The following RGS7 variants were observed in gnomAD, a reference collection of about 807,000 sequenced individuals.
RGS7 encodes the protein regulator of G-protein signaling 7.
In RGS7, 27 loss-of-function variants were observed where a neutral mutation model predicts 81.1. The ratio of observed to expected loss-of-function variants is 0.33; its 90% CI spans 0.25 to 0.46. The LOEUF (loss-of-function observed/expected upper bound fraction) is 0.46, where lower values mean the gene tolerates loss of function less well. Ranked by LOEUF, RGS7 falls within the 20% of genes least tolerant of loss-of-function variation. The pLI, the probability that RGS7 is intolerant of heterozygous loss-of-function variation, is 1.00. For missense variants in RGS7, 396 were observed against 607.4 expected (o/e 0.65, Z 3.66); for synonymous variants, 208 against 207.7 (o/e 1.00, Z -0.01).
chr1:241,120,993 A>G (rs566864740), intron 2 of RGS7, among the ~76,000 whole-genome samples: 1 of 152,302 alleles, frequency 6.6e-6, no homozygotes, highest in African/African-American at 2.4e-5. Context: ...ACCCCAGAAG[A>G]AAGCTTTGCT....
At chr1:241,339,372 A>G (rs949743167) in intron 2 of RGS7, among the ~76,000 whole-genome samples, 1 of 152,214 alleles carries the variant, frequency 6.6e-6, no homozygotes, top group South Asian at 2.1e-4. Flanking sequence ...TGTTTGCTAC[A>G]TTAAATTGAA....
intron 3 of RGS7, among the ~76,000 whole-genome samples, chr1:241,052,605 A>G (rs2061309824): frequency 6.6e-6 from 1 of 152,150 alleles, no homozygotes; most frequent in African/African-American, 2.4e-5. Context: ...CTGATGACCC[A>G]TGTCAAGGTT....
chr1:241,190,929 T>C (rs1490666450), intron 2 of RGS7, among the ~76,000 whole-genome samples: 2 of 152,134 alleles, frequency 1.3e-5, no homozygotes, highest in Non-Finnish European at 2.9e-5. Context: ...TTAGCTGTAG[T>C]TTTCTTGCAG....
At chr1:240,881,932 T>TGA (rs1553336442) in intron 6 of RGS7, among the ~76,000 whole-genome samples, 13 of 151,816 alleles carry the variant, frequency 8.6e-5, no homozygotes, top group Non-Finnish European at 1.5e-4. Flanking sequence ...TTTTTTTTTT[T>TGA]GAGAGAGAGT....
intron 3 of RGS7, among the ~76,000 whole-genome samples, chr1:241,094,523 A>C (rs2064115702): frequency 6.6e-6 from 1 of 152,168 alleles, no homozygotes; most frequent in Non-Finnish European, 1.5e-5. Context: ...AGTTCAAGGA[A>C]ATGGCATAGA....
intron 3 of RGS7, among the ~76,000 whole-genome samples, chr1:241,003,209 C>A (rs555326395): frequency 6.6e-6 from 1 of 152,094 alleles, no homozygotes; most frequent in African/African-American, 2.4e-5. Flanking sequence ...CGCCTGTAAT[C>A]CCAGCACTTT....
At chr1:241,156,334 A>G (rs193196826) in intron 2 of RGS7, among the ~76,000 whole-genome samples, 130 of 151,702 alleles carry the variant, frequency 8.6e-4, no homozygotes, top group African/African-American at 3.0e-3. Flanking sequence ...CTCTGTCTCT[A>G]TGAAACACAA....
Position 241,049,762 on chromosome 1 carries a change from A to G in RGS7, c.175+48904T>C, listed in dbSNP as rs964849613. Among the ~76,000 whole-genome samples the G allele has an allele frequency of 4.2e-4, 64 of 152,322 alleles. 1 individual carries two copies. Among genetic ancestry groups the G allele is most frequent in the African/African-American group, 1.5e-3 (63 of 41,568 alleles). On this transcript the variant is annotated intron_variant, in intron 3 of 18. Transcript: ENST00000440928. ...CTTCTACAGATATCAGGCTTTGGTC[A>G]TGTAAAAGCTGAGGAGCTGCTGAAC...
At chr1:240,797,584 T>C (rs952340724) in intron 18 of RGS7, among the ~76,000 whole-genome samples, 5 of 152,176 alleles carry the variant, frequency 3.3e-5, no homozygotes, top group Non-Finnish European at 5.9e-5. Context: ...ACTCCTGACC[T>C]CAGGTGATCC....
chr1:241,128,456 G>T (rs1162176613), intron 2 of RGS7, among the ~76,000 whole-genome samples: 1 of 151,508 alleles, frequency 6.6e-6, no homozygotes, highest in East Asian at 1.9e-4. Flanking sequence ...TGGTGGCGGT[G>T]CAAGCATGTA....
chr1:241,073,583 T>A (rs951638198), intron 3 of RGS7, among the ~76,000 whole-genome samples: 4 of 152,196 alleles, frequency 2.6e-5, no homozygotes, highest in African/African-American at 9.7e-5. Flanking sequence ...TTATTCTTTA[T>A]TGTCAGTAAT....
rs371415553 is a variant in RGS7, at chr1:241,245,833, G to A, written c.78+109866C>T. Among the ~76,000 whole-genome samples, 17 of 139,808 alleles carry A rather than the reference G, an allele frequency of 1.2e-4. No individual in the cohort carries two copies. The South Asian group carries it at 3.0e-3, about 24-fold the overall frequency. The allele number at this position is 139,808 out of a possible 152,430, so 91.7% of individuals were successfully genotyped here. On this transcript the variant is annotated intron_variant, in intron 2 of 18. Coordinates refer to ENST00000440928, the MANE Select transcript of RGS7 (RefSeq NM_001364886.1). ...AAAAACAAACAAACAGGCAGGACGC[G>A]GTGGCTCATGCCTGTAATCCCAGCA...
At chr1:241,088,590 C>A (rs746408119) in intron 3 of RGS7, among the ~76,000 whole-genome samples, 20 of 152,000 alleles carry the variant, frequency 1.3e-4, no homozygotes, top group Admixed American at 5.2e-4. Context: ...ATCTTAAGCC[C>A]CTCCAACTAA....
chr1:241,332,426 T>C (rs1156596873), intron 2 of RGS7, among the ~76,000 whole-genome samples: 1 of 152,176 alleles, frequency 6.6e-6, no homozygotes, highest in Non-Finnish European at 1.5e-5. Context: ...AAAATAGATT[T>C]TATATTAATG....
At chr1:241,288,357 T>G (rs1446389988) in intron 2 of RGS7, among the ~76,000 whole-genome samples, 1 of 152,164 alleles carries the variant, frequency 6.6e-6, no homozygotes, top group Non-Finnish European at 1.5e-5. Flanking sequence ...ACTCCAGAGC[T>G]TCCGTTCTTT....
At chr1:241,117,699 T>A (rs2065969254) in intron 2 of RGS7, among the ~76,000 whole-genome samples, 1 of 151,918 alleles carries the variant, frequency 6.6e-6, no homozygotes. Context: ...CAGGCTTGAG[T>A]GGAAATAGAA....
intron 16 of RGS7, 100 bp from the exon 17 acceptor site, chr1:240,801,608 A>ATCATTAAGTCC: frequency 1.2e-6 from 1 of 843,526 alleles, no homozygotes; most frequent in Non-Finnish European, 2.0e-6. Context: ...AGGATAATGA[A>ATCATTAAGTCC]ATGATGCAAC....
chr1:241,154,296 G>C (rs892812340), intron 2 of RGS7, among the ~76,000 whole-genome samples: 1 of 152,092 alleles, frequency 6.6e-6, no homozygotes, highest in African/African-American at 2.4e-5. Context: ...AGGAGACAAA[G>C]AGCCCCAAGG....
chr1:240,972,848 CAAAAAAAA>C (rs35291771), intron 4 of RGS7, among the ~76,000 whole-genome samples: 1 of 74,990 alleles, frequency 1.3e-5, no homozygotes, highest in Non-Finnish European at 2.6e-5. Flanking sequence ...CCCCGCCTCT[CAAAAAAAA>C]AAAAAAAAAA....
Sources: allele counts gnomAD v4.1 joint callset (sites outside exome capture counted in the v4.1 genomes callset), GRCh38; gene constraint gnomAD v4.1.1; transcripts MANE v1.5; gene names NCBI Gene and HGNC (gene_info 2026-07-23, HGNC 2026-07-21).